Variants in AHDC1 observed in about 807,000 individuals in gnomAD.
AHDC1 encodes transcription factor Gibbin.
AHDC1 carries 7 observed loss-of-function variants against 87.9 expected under a neutral mutation model. The observed-to-expected ratio is 0.08, with a 90% CI of 0.05 to 0.15. AHDC1 has a LOEUF of 0.15. Among genes scored for constraint, AHDC1 ranks in the 10% least tolerant of loss-of-function variants. The pLI is 1.00. For synonymous variants in AHDC1, 1,051 were observed against 1,006.8 expected (o/e 1.04, Z -0.83); for missense variants, 1,841 against 2,253.2 (o/e 0.82, Z 3.70).
At chr1:27,603,703 G>GC (rs1358090730) in intron 2 of AHDC1, 25 bp downstream of exon 2, 11 of 18,424 alleles carry the variant, frequency 6.0e-4, no homozygotes, top group African/African-American at 2.7e-3. Context: ...GGACACCCCC[G>GC]CCCCCACCCC....
rs1190165039 is a variant in AHDC1, at chr1:27,549,158, G to A, written c.2958C>T (p.Pro986=). The stretch of plus-strand genomic sequence containing the variant: ...TGTTAGCGCAGTCCTGGCCTGTAAA[G>A]GGCTTAGTTGGGGCGAATACGCTTT... ...AGQSVFAPTK[P]FTGQDCANSK... is the part of the protein sequence containing the mutation. The change falls in exon 8 of 9, where the codon CCC becomes CCT. Residue 986 remains proline, a synonymous_variant. Transcript: ENST00000673934. 5 of 1,566,026 alleles carry A rather than the reference G, an allele frequency of 3.2e-6. No individual in the cohort carries two copies. Among genetic ancestry groups the A allele is most frequent in the Non-Finnish European group, 4.3e-6 (5 of 1,154,300 alleles).
chr1:27,592,467 G>C (rs939174493), intron 3 of AHDC1, among the ~76,000 whole-genome samples: 2 of 152,208 alleles, frequency 1.3e-5, no homozygotes, highest in African/African-American at 4.8e-5. Flanking sequence ...GGGGTGCGGA[G>C]CTGGGGGCCC....
At chr1:27,553,414 G>A (rs1043877837) in intron 5 of AHDC1, 3 of 152,164 alleles carry the variant, frequency 2.0e-5, no homozygotes, top group Non-Finnish European at 4.4e-5. Context: ...GACAAGGACT[G>A]GACAGACAGA....
intron 3 of AHDC1, among the ~76,000 whole-genome samples, chr1:27,580,730 A>C (rs575708916): frequency 5.2e-4 from 79 of 152,338 alleles, no homozygotes; most frequent in African/African-American, 1.8e-3. Context: ...GGCACATAAT[A>C]AGCATTTAAT....
At chr1:27,578,997 C>T (rs1006092374) in intron 3 of AHDC1, among the ~76,000 whole-genome samples, 1 of 150,830 alleles carries the variant, frequency 6.6e-6, no homozygotes. Flanking sequence ...CACCCGGACA[C>T]ATATATGGCT....
chr1:27,596,073 G>C (rs1220339839), intron 3 of AHDC1, among the ~76,000 whole-genome samples: 1 of 152,002 alleles, frequency 6.6e-6, no homozygotes, highest in Middle Eastern at 3.2e-3. Context: ...TGTGTGTTAG[G>C]GGGGATGCCC....
chr1:27,541,635 T>G (rs1472188309), intron 8 of AHDC1, among the ~76,000 whole-genome samples: 2 of 150,346 alleles, frequency 1.3e-5, no homozygotes, highest in Non-Finnish European at 3.0e-5. Flanking sequence ...GAGGTTTTTT[T>G]TTTTTTTTTT....
At position 27,582,233 on chromosome 1, in the gene AHDC1, A is replaced by G. The variant is rs540554308; in HGVS notation, c.-629+21164T>C. ...AGAACAGCGAATCCCACAGGGAGTT[A>G]GCAGGTATAGCACTGTCCTCAAAGT... On this transcript the variant is annotated intron_variant, in intron 3 of 8. Coordinates refer to ENST00000673934, the MANE Select transcript of AHDC1 (RefSeq NM_001371928.1). 5.3e-5 allele frequency among the ~76,000 whole-genome samples: 8 copies of G among 152,358 alleles called. No homozygotes were observed. In the East Asian group the frequency reaches 1.5e-3, roughly 29 times the overall value.
At chr1:27,576,051 G>A (rs1293818403) in intron 3 of AHDC1, among the ~76,000 whole-genome samples, 2 of 152,028 alleles carry the variant, frequency 1.3e-5, no homozygotes, top group Non-Finnish European at 2.9e-5. Flanking sequence ...TAGCGTGCCT[G>A]GCTCGGGCAG....
intron 3 of AHDC1, among the ~76,000 whole-genome samples, chr1:27,592,405 C>T (rs1005997273): frequency 4.6e-5 from 7 of 152,190 alleles, no homozygotes; most frequent in African/African-American, 1.2e-4. Context: ...TCACCGGAGC[C>T]GCCTGACAGA....
At chr1:27,578,437 A>C (rs944424493) in intron 3 of AHDC1, among the ~76,000 whole-genome samples, 6 of 151,724 alleles carry the variant, frequency 4.0e-5, no homozygotes, top group African/African-American at 1.5e-4. Flanking sequence ...AAAAATACAA[A>C]AATTAGCTGG....
rs190457126 is a variant in AHDC1 at position 27,593,175 on chromosome 1, G to A, written c.-629+10222C>T. On this transcript the variant is annotated intron_variant, in intron 3 of 8. Transcript: ENST00000673934. This position sits in a 1 kb window ranked among gnomAD's most constrained non-coding sequence, Gnocchi z 4.9. ...GGGTCCCGGGCTCCCTCCAGGGCTG[G>A]CTGGGGCAGGGGCTGAGGTGGGGAA... Among the ~76,000 whole-genome samples the A allele has an allele frequency of 1.6e-3, 238 of 152,186 alleles. No individual in the cohort carries two copies. The highest frequency in any genetic ancestry group is 5.4e-3 in the African/African-American group (226 of 41,522).
At chr1:27,535,673 C>T (rs1375680443) in intron 8 of AHDC1, among the ~76,000 whole-genome samples, 1 of 152,112 alleles carries the variant, frequency 6.6e-6, no homozygotes, top group Non-Finnish European at 1.5e-5. Context: ...GAGAAACTGC[C>T]CAACACAATG....
intron 3 of AHDC1, among the ~76,000 whole-genome samples, chr1:27,594,234 G>C (rs76150377): frequency 0.031 from 4,719 of 152,234 alleles, 242 homozygotes; most frequent in African/African-American, 0.1. Context: ...CCCGCAGCCT[G>C]GATTTGGGGG....
In AHDC1 at chr1:27,551,453, C is replaced by A. The variant is rs374761177; in HGVS notation, c.663G>T (p.Ala221=). ...CAGGCTCTGGGGGCAGACCCGTGGC[C>A]GCAGCCGTGGCTCCGGGACTATGGC... ...GQGHSPGATA[A]ATGLPPEPEP... The change falls in exon 8 of 9, where the codon GCG becomes GCT. Residue 221 remains alanine, a synonymous_variant. Transcript: ENST00000673934. 6 of 1,611,772 alleles carry A rather than the reference C, an allele frequency of 3.7e-6. No homozygotes were observed. The Admixed American group carries it at 5.0e-5, about 13-fold the overall frequency.
rs1019705476 is a variant in AHDC1, at chr1:27,582,974, G to A, written c.-629+20423C>T. 1.7e-4 allele frequency among the ~76,000 whole-genome samples: 26 copies of A among 152,052 alleles called. 1 individual carries two copies. Among genetic ancestry groups the A allele is most frequent in the South Asian group, 6.2e-4 (3 of 4,832 alleles). ...GTCACCCAGGCTGCAGTGCAATAGC[G>A]CACTCTCGGCTCACTGCAACCTCCG... On this transcript the variant is annotated intron_variant, in intron 3 of 8. Transcript: ENST00000673934.
chr1:27,567,414 C>A (rs867847666), intron 3 of AHDC1, among the ~76,000 whole-genome samples: 1 of 152,160 alleles, frequency 6.6e-6, no homozygotes, highest in Admixed American at 6.5e-5. Flanking sequence ...AGGTCTGCAT[C>A]GGCTCAGTGT....
intron 3 of AHDC1, among the ~76,000 whole-genome samples, chr1:27,600,193 G>T (rs1320905020): frequency 1.3e-5 from 2 of 150,582 alleles, no homozygotes; most frequent in Non-Finnish European, 3.0e-5. Flanking sequence ...CCCCCTCCCT[G>T]GGGGGGGCCC....
In AHDC1 at chr1:27,598,157, A is replaced by C. The variant is rs1006353127; in HGVS notation, c.-629+5240T>G. On this transcript the variant is annotated intron_variant, in intron 3 of 8. Transcript: ENST00000673934. The surrounding 1 kb of genome is among the most constrained non-coding windows in gnomAD (Gnocchi z 4.2). ...GGGGTGCAGAGCTGCAGCTTCTGGA[A>C]GCTTCAGTGGCAGCTGGGCTGAATT... 8.5e-5 allele frequency among the ~76,000 whole-genome samples: 13 copies of C among 152,190 alleles called. No individual in the cohort carries two copies. Among genetic ancestry groups the C allele is most frequent in the African/African-American group, 2.9e-4 (12 of 41,434 alleles).
Sources: gnomAD v4.1 joint callset for allele counts (sites outside exome capture counted in the v4.1 genomes callset) on GRCh38, gnomAD v4.1.1 for gene constraint, Gnocchi (gnomAD v3.1) non-coding constraint, MANE v1.5 for transcripts, NCBI Gene and HGNC (gene_info 2026-07-23, HGNC 2026-07-21) for gene names.